CCDC50: variants seen among roughly 807,000 people sequenced by gnomAD.
CCDC50 encodes coiled-coil domain-containing protein 50.
CCDC50 carries 54 observed loss-of-function variants against 70.2 expected under a neutral mutation model. The observed-to-expected ratio is 0.77, with a 90% confidence interval of 0.62 to 0.96. The LOEUF (loss-of-function observed/expected upper bound fraction) is 0.96, where lower values mean the gene tolerates loss of function less well. CCDC50 is among the 50% of genes least tolerant of loss of function. CCDC50 has a pLI of 0.00. For synonymous variants in CCDC50, 216 were observed against 198.8 expected (o/e 1.09, Z -0.73); for missense variants, 558 against 578.7 (o/e 0.96, Z 0.37).
chr3:191,398,473 A>G lies in CCDC50; in HGVS notation c.*6713A>G, dbSNP rs1237679190. The G allele has an allele frequency of 1.3e-5, 2 of 152,170 alleles. No individual in the cohort carries two copies. 9.4% of individuals were successfully genotyped at this position (152,170 alleles called of 1,614,324 possible). A position where few individuals can be genotyped will look rare whatever the true frequency, so the allele number is the denominator to read the frequency against. On this transcript the variant is annotated 3_prime_UTR_variant, in exon 12 of 12. Transcript: ENST00000392455. ...TGTTTTTGTTTTGTTTCTTTACAGC[A>G]TTCAAGGACAGGGAAACTTACGAGA...
chr3:191,357,928 G>C, intron 2 of CCDC50, 70 bp from the exon 3 acceptor site: 1 of 1,594,996 alleles, frequency 6.3e-7, no homozygotes, highest in Non-Finnish European at 8.6e-7. Context: ...AAGCTCTTAA[G>C]ATTATTATGG....
At chr3:191,338,189 T>C (rs752147799) in intron 1 of CCDC50, among the ~76,000 whole-genome samples, 4 of 152,238 alleles carry the variant, frequency 2.6e-5, no homozygotes, top group Non-Finnish European at 5.9e-5. Flanking sequence ...CTGTTTTGTT[T>C]ATTGACTATG....
At chr3:191,346,214 T>C (rs944695176) in intron 1 of CCDC50, among the ~76,000 whole-genome samples, 8 of 152,236 alleles carry the variant, frequency 5.3e-5, no homozygotes, top group African/African-American at 1.9e-4. Context: ...TATTTCTTGC[T>C]TCACTGTTTA....
intron 5 of CCDC50, chr3:191,370,318 CTCG>C (rs1712859993): frequency 5.6e-6 from 2 of 356,068 alleles, no homozygotes; most frequent in African/African-American, 2.1e-5. Context: ...CACCCATTAA[CTCG>C]TCATTTAACA....
chr3:191,370,385 C>A (rs1302258798), intron 5 of CCDC50: 2 of 281,274 alleles, frequency 7.1e-6, no homozygotes, highest in Admixed American at 5.1e-5. Context: ...CCACAACAGG[C>A]CCCGGTGTGT....
rs1040710104 is a variant in CCDC50, at chr3:191,395,636, T to A, written c.*3876T>A. The A allele has an allele frequency of 1.3e-5, 2 of 152,184 alleles. No individual in the cohort carries two copies. The highest frequency in any genetic ancestry group is 4.8e-5 in the African/African-American group (2 of 41,462). 9.4% of individuals were successfully genotyped at this position (152,184 alleles called of 1,614,324 possible). On this transcript the variant is annotated 3_prime_UTR_variant, in exon 12 of 12. Coordinates refer to ENST00000392455, the MANE Select transcript of CCDC50 (RefSeq NM_178335.3). ...TAGAATAGAACTTGCAGCCAAAGGC[T>A]TTTTCCCTTTTGAGAAGACGGTATT...
rs1419116764 is a variant in CCDC50, at chr3:191,349,774, AC to A, written c.50-7313del. On this transcript the variant is annotated intron_variant, in intron 1 of 11. Coordinates refer to ENST00000392455, the MANE Select transcript of CCDC50 (RefSeq NM_178335.3). ...TTTTTTCAGGTGTAAATATAGGCCG[AC>A]TGTGATTGCTAGAAGTCTATTCTTG... is the stretch of plus-strand genomic sequence containing the variant. 2.1e-5 allele frequency among the ~76,000 whole-genome samples: 3 copies of A among 141,290 alleles called. 1 individual carries two copies. The highest frequency in any genetic ancestry group is 3.2e-5 in the Non-Finnish European group (2 of 62,718). The allele number at this position is 141,290 out of a possible 152,430, so 92.7% of individuals were successfully genotyped here.
chr3:191,375,107 C>T lies in CCDC50; in HGVS notation c.494C>T (p.Ser165Leu), dbSNP rs200531070. Residue 165 changes from serine (S) to leucine (L), a missense_variant, in exon 6 of 12, where the codon TCA becomes TTA. By Grantham distance (145) the Ser-to-Leu change is moderately radical (BLOSUM62 -2). Transcript: ENST00000392455. ...RRARELGSGF[S>L]RPCRLQRDGK... Reference sequence around the variant, plus strand: ...GCCAGGGAATTGGGTTCTGGATTCTCAAGACCTTGTAGACTCCAAAGAGAT... The same window carrying T: ...GCCAGGGAATTGGGTTCTGGATTCTTAAGACCTTGTAGACTCCAAAGAGAT... 2 of 1,613,566 alleles carry T rather than the reference C, an allele frequency of 1.2e-6. No individual in the cohort carries two copies. The highest frequency in any genetic ancestry group is 2.2e-5 in the East Asian group (1 of 44,876).
At chr3:191,336,864 C>G (rs548308006) in intron 1 of CCDC50, among the ~76,000 whole-genome samples, 1 of 152,194 alleles carries the variant, frequency 6.6e-6, no homozygotes, top group African/African-American at 2.4e-5. Context: ...CAGTAATCCT[C>G]TCTAGTAATT....
At chr3:191,360,742 G>A (rs1318402996) in intron 3 of CCDC50, among the ~76,000 whole-genome samples, 1 of 152,202 alleles carries the variant, frequency 6.6e-6, no homozygotes, top group African/African-American at 2.4e-5. Flanking sequence ...GGTAGAGGCA[G>A]GACCGTCAAA....
At chr3:191,383,343 G>T (rs117123422) in intron 10 of CCDC50, among the ~76,000 whole-genome samples, 1 of 151,894 alleles carries the variant, frequency 6.6e-6, no homozygotes, top group Admixed American at 6.6e-5. Context: ...TCAAACAGTC[G>T]TGCATAATAG....
At chr3:191,366,719 TA>T (rs1011106543) in intron 4 of CCDC50, among the ~76,000 whole-genome samples, 1 of 152,084 alleles carries the variant, frequency 6.6e-6, no homozygotes, top group African/African-American at 2.4e-5. Flanking sequence ...ATATGCATCT[TA>T]AAGAGTTATA....
intron 4 of CCDC50, among the ~76,000 whole-genome samples, chr3:191,367,348 A>G (rs1215498307): frequency 6.6e-6 from 1 of 152,132 alleles, no homozygotes; most frequent in Non-Finnish European, 1.5e-5. Context: ...AAGCAATTCT[A>G]TGAATAGGAC....
In CCDC50 at chr3:191,392,919, G is replaced by A. The variant is rs1713744859; in HGVS notation, c.*1159G>A. 1 of 152,178 alleles carries A rather than the reference G, an allele frequency of 6.6e-6. No homozygotes were observed. Among genetic ancestry groups the A allele is most frequent in the Non-Finnish European group, 1.5e-5 (1 of 68,090 alleles). The allele number at this position is 152,178 out of a possible 1,614,324, so 9.4% of individuals were successfully genotyped here. A position where few individuals can be genotyped will look rare whatever the true frequency, so the allele number is the denominator to read the frequency against. ...CACCCGGCTAATTTTTGTATTTTTA[G>A]TAAAGAGCGGGTTTCACCATGTTGG... is the stretch of plus-strand genomic sequence containing the variant. On this transcript the variant is annotated 3_prime_UTR_variant, in exon 12 of 12. Coordinates refer to ENST00000392455, the MANE Select transcript of CCDC50 (RefSeq NM_178335.3).
intron 1 of CCDC50, among the ~76,000 whole-genome samples, chr3:191,346,370 A>T (rs1405363518): frequency 6.6e-6 from 1 of 152,198 alleles, no homozygotes; most frequent in African/African-American, 2.4e-5. Context: ...ATCTCATAGT[A>T]TGTTGTTAAT....
Position 191,329,645 on chromosome 3 carries a change from T to C in CCDC50, c.-30T>C, listed in dbSNP as rs1334356879. The C allele has an allele frequency of 6.3e-7, 1 of 1,586,504 alleles. No individual in the cohort carries two copies. Among genetic ancestry groups the C allele is most frequent in the Non-Finnish European group, 8.6e-7 (1 of 1,166,036 alleles). On this transcript the variant is annotated 5_prime_UTR_variant, in exon 1 of 12. Transcript: ENST00000392455. ...GCCGGCGGTGACCGGGAAGCCCGCGTTAAAGGGGCAACCGGGACCCTGGCC... is the reference window on the plus strand; with the variant it reads ...GCCGGCGGTGACCGGGAAGCCCGCGCTAAAGGGGCAACCGGGACCCTGGCC...
At chr3:191,371,031 T>A (rs1248841095) in intron 5 of CCDC50, among the ~76,000 whole-genome samples, 1 of 152,204 alleles carries the variant, frequency 6.6e-6, no homozygotes, top group African/African-American at 2.4e-5. Flanking sequence ...AGGTATACCA[T>A]GCATCAGTTA....
chr3:191,394,002 C>G lies in CCDC50; in HGVS notation c.*2242C>G, dbSNP rs951139190. 3 of 152,048 alleles carry G rather than the reference C, an allele frequency of 2.0e-5. No homozygotes were observed. The highest frequency in any genetic ancestry group is 7.2e-5 in the African/African-American group (3 of 41,412). 9.4% of individuals were successfully genotyped at this position (152,048 alleles called of 1,614,324 possible). ...TAAAAATTCTGCATTTCTCTTGCCT[C>G]TCATGTACTTCATCCAGTTATTTAT... On this transcript the variant is annotated 3_prime_UTR_variant, in exon 12 of 12. Transcript: ENST00000392455.
chr3:191,354,861 C>T (rs1712226772), intron 1 of CCDC50, among the ~76,000 whole-genome samples: 1 of 152,142 alleles, frequency 6.6e-6, no homozygotes, highest in Non-Finnish European at 1.5e-5. Flanking sequence ...ATAATTCATA[C>T]ATATTCTACT....
Sources: allele counts gnomAD v4.1 joint callset (sites outside exome capture counted in the v4.1 genomes callset), GRCh38; gene constraint gnomAD v4.1.1; transcripts MANE v1.5; gene names NCBI Gene and HGNC (gene_info 2026-07-23, HGNC 2026-07-21).